RGP1: variants seen among roughly 807,000 people sequenced by gnomAD.
RGP1 encodes RGP1 partner of RAB6A GEF complex, also known as RAB6A-GEF complex partner protein 2.
RGP1 carries 28 observed loss-of-function variants against 44.5 expected under a neutral mutation model. The ratio of observed to expected loss-of-function variants is 0.63; its 90% CI spans 0.47 to 0.86. The LOEUF is 0.86. Ranked by LOEUF, RGP1 falls within the 40% of genes least tolerant of loss-of-function variation. The pLI, the probability that RGP1 is intolerant of heterozygous loss-of-function variation, is 0.00. For missense variants in RGP1, 417 were observed against 490.7 expected, an observed-to-expected ratio of 0.85 and a Z score of 1.42; for synonymous variants, 212 against 196.7, an observed-to-expected ratio of 1.08 and a Z score of -0.65.
At chr9:35,750,624 G>C in intron 3 of RGP1, 34 bp from the exon 4 acceptor site, 1 of 1,602,546 alleles carries the variant, frequency 6.2e-7, no homozygotes, top group African/African-American at 1.3e-5. Flanking sequence ...ACTGGACAAT[G>C]GGTCATTAAA....
chr9:35,751,440 C>T lies in RGP1; in HGVS notation c.634+28C>T, dbSNP rs576763673. ...GAGAATTCTTTCAGAATTGTCCTAC[C>T]CCATCCTTCCCCTCATTGTTTTCCC... On this transcript the variant is annotated intron_variant, in intron 6 of 8. Transcript: ENST00000378078. 38 of 1,613,094 alleles carry T rather than the reference C, an allele frequency of 2.4e-5. No homozygotes were observed. In the East Asian group the frequency reaches 6.0e-4, roughly 26 times the overall value.
chr9:35,759,098 A>G (rs1410806664), downstream of RGP1, among the ~76,000 whole-genome samples: 1 of 152,222 alleles, frequency 6.6e-6, no homozygotes, highest in African/African-American at 2.4e-5. Context: ...TCCTACAAGA[A>G]AACGCATTCT....
chr9:35,783,070 A>G, the RGP1 span, among the ~76,000 whole-genome samples: 1 of 152,102 alleles, frequency 6.6e-6, no homozygotes, highest in South Asian at 2.1e-4. Flanking sequence ...CGGCCTCCCA[A>G]AGTGCTGGGA....
At chr9:35,784,170 T>C in the RGP1 span, among the ~76,000 whole-genome samples, 1 of 152,212 alleles carries the variant, frequency 6.6e-6, no homozygotes, top group African/African-American at 2.4e-5. Context: ...GTTCCTTATA[T>C]AGTCTAGGTA....
the RGP1 span, among the ~76,000 whole-genome samples, chr9:35,772,531 C>T: frequency 2.0e-5 from 3 of 152,092 alleles, no homozygotes; most frequent in Admixed American, 1.3e-4. Flanking sequence ...CGGTGGCTCA[C>T]GGCTGTAATC....
chr9:35,751,314 G>A lies in RGP1; in HGVS notation c.536G>A (p.Ser179Asn). Residue 179 changes from serine to asparagine, a missense_variant, in exon 6 of 9, where the codon AGT (serine) becomes AAT (asparagine). Coordinates refer to ENST00000378078, the MANE Select transcript of RGP1 (RefSeq NM_001080496.3). ...FPQDEAVAPS[S>N]PFLEEDEGGK... ...CAGGATGAGGCTGTAGCCCCATCCAGTCCATTCTTGGAGGAGGATGAAGGT... is the reference window on the plus strand; with the variant it reads ...CAGGATGAGGCTGTAGCCCCATCCAATCCATTCTTGGAGGAGGATGAAGGT... 6.2e-7 allele frequency: 1 copy of A among 1,614,042 alleles called. No homozygotes were observed. Among genetic ancestry groups the A allele is most frequent in the Non-Finnish European group, 8.5e-7 (1 of 1,179,882 alleles).
chr9:35,776,734 G>C, the RGP1 span, among the ~76,000 whole-genome samples: 1 of 152,022 alleles, frequency 6.6e-6, no homozygotes, highest in East Asian at 2.0e-4. Flanking sequence ...GGTGGTTCAC[G>C]CCTGTAATCC....
the RGP1 span, among the ~76,000 whole-genome samples, chr9:35,768,195 G>A: frequency 6.6e-6 from 1 of 151,602 alleles, no homozygotes; most frequent in Non-Finnish European, 1.5e-5. Flanking sequence ...CCAAGTAGCT[G>A]GGACCACAAG....
chr9:35,778,217 A>G, the RGP1 span, among the ~76,000 whole-genome samples: 1 of 152,244 alleles, frequency 6.6e-6, no homozygotes, highest in South Asian at 2.1e-4. Flanking sequence ...CAGGAGAATC[A>G]CTTGAACCCG....
chr9:35,768,014 T>C, the RGP1 span, among the ~76,000 whole-genome samples: 27 of 152,076 alleles, frequency 1.8e-4, no homozygotes, highest in Non-Finnish European at 7.4e-5. Context: ...TTGACCAGAC[T>C]GGTCTCCAAC....
chr9:35,762,447 T>C (rs116841486), downstream of RGP1, among the ~76,000 whole-genome samples: 533 of 152,348 alleles, frequency 3.5e-3, 4 homozygotes, highest in Non-Finnish European at 5.9e-3. Flanking sequence ...GATGACCGTT[T>C]GCACAAGGGT....
In RGP1 at chr9:35,752,105, A is replaced by C; in HGVS notation, c.912A>C (p.Pro304=). 7.5e-6 allele frequency: 12 copies of C among 1,592,984 alleles called. No individual in the cohort carries two copies. The highest frequency in any genetic ancestry group is 1.0e-5 in the Non-Finnish European group (12 of 1,169,422). The change falls in exon 8 of 9, where the codon CCA becomes CCC. Residue 304 remains proline (P), a synonymous_variant. Transcript: ENST00000378078. ...LHTTRTSFSL[P]IPLSSTPGFC... ...CAACTAGAACCAGCTTCTCCCTCCC[A>C]ATCCCTCTCAGCTCCACCCCAGGCT...
At chr9:35,759,511 G>A (rs952508842), downstream of RGP1, among the ~76,000 whole-genome samples, 13 of 130,070 alleles carry the variant, frequency 1.0e-4, no homozygotes, top group Non-Finnish European at 1.7e-4. Context: ...CCAGTGAGCC[G>A]AGATTGCATC....
chr9:35,749,836 C>T lies in RGP1; in HGVS notation c.81C>T (p.Thr27=). The change falls in exon 2 of 9, where the codon ACC becomes ACT. Residue 27 remains threonine (T), a synonymous_variant. Transcript: ENST00000378078. The surrounding 1 kb of genome is among the most constrained non-coding windows in gnomAD (Gnocchi z 4.4). The part of the protein sequence containing the change: ...GEALECVVTV[T]NPLPPTATSA... The stretch of plus-strand genomic sequence containing the variant: ...CGCTGGAGTGTGTAGTGACCGTCAC[C>T]AACCCCCTTCCGCCCACGGCCACTT... The T allele has an allele frequency of 6.2e-7, 1 of 1,613,598 alleles. No homozygotes were observed. The highest frequency in any genetic ancestry group is 8.5e-7 in the Non-Finnish European group (1 of 1,179,642).
chr9:35,776,105 T>A, the RGP1 span, among the ~76,000 whole-genome samples: 1 of 152,198 alleles, frequency 6.6e-6, no homozygotes, highest in African/African-American at 2.4e-5. Flanking sequence ...ACAGTTTAGC[T>A]ACCCTCAGTA....
At chr9:35,772,663 C>T in the RGP1 span, among the ~76,000 whole-genome samples, 1 of 151,842 alleles carries the variant, frequency 6.6e-6, no homozygotes, top group Non-Finnish European at 1.5e-5. Context: ...TGGTGGCGGG[C>T]GCCTGTAGTT....
downstream of RGP1, among the ~76,000 whole-genome samples, chr9:35,762,635 T>C (rs915509247): frequency 2.6e-5 from 4 of 152,212 alleles, no homozygotes; most frequent in African/African-American, 9.7e-5. Flanking sequence ...ATAGAGTTGA[T>C]AGTAAAGTCT....
chr9:35,785,367 G>A, the RGP1 span, among the ~76,000 whole-genome samples: 1 of 151,618 alleles, frequency 6.6e-6, no homozygotes, highest in African/African-American at 2.4e-5. Context: ...AGAATGAGGT[G>A]AAGGCGAGGG....
At chr9:35,752,571 C>A in intron 8 of RGP1, 80 bp from the exon 9 acceptor site, 1 of 1,190,936 alleles carries the variant, frequency 8.4e-7, no homozygotes, top group Non-Finnish European at 1.2e-6. Context: ...GTTTTCTTCT[C>A]ATTCACTAAC....
Sources: allele counts gnomAD v4.1 joint callset (sites outside exome capture counted in the v4.1 genomes callset), GRCh38; gene constraint gnomAD v4.1.1; non-coding constraint Gnocchi (gnomAD v3.1); transcripts MANE v1.5; gene names NCBI Gene and HGNC (gene_info 2026-07-23, HGNC 2026-07-21).